Variants in SPTBN1 observed in about 807,000 individuals in gnomAD.
The protein encoded by SPTBN1 is spectrin beta chain, non-erythrocytic 1.
A neutral mutation model predicts 266.4 loss-of-function variants in SPTBN1; 32 were observed. The observed-to-expected ratio is 0.12, with a 90% confidence interval of 0.09 to 0.16. The LOEUF is 0.16. Ranked by LOEUF, SPTBN1 falls within the 10% of genes least tolerant of loss-of-function variation. The pLI is 1.00. For synonymous variants in SPTBN1, 1,336 were observed against 1,162.2 expected (o/e 1.15, Z -3.04); for missense variants, 2,296 against 3,067.1 (o/e 0.75, Z 5.94).
intron 1 of SPTBN1, among the ~76,000 whole-genome samples, chr2:54,507,976 A>G (rs1669663693): frequency 6.6e-6 from 1 of 152,112 alleles, no homozygotes; most frequent in Non-Finnish European, 1.5e-5. Context: ...AAGAACGGGA[A>G]TGAGAATAAG....
intron 1 of SPTBN1, among the ~76,000 whole-genome samples, chr2:54,479,078 A>G (rs1351431397): frequency 6.6e-6 from 1 of 152,200 alleles, no homozygotes; most frequent in Non-Finnish European, 1.5e-5. Context: ...GGTTGTTTTA[A>G]AATAGAAAAA....
At chr2:54,467,502 C>G (rs1183018242) in intron 1 of SPTBN1, among the ~76,000 whole-genome samples, 1 of 152,122 alleles carries the variant, frequency 6.6e-6, no homozygotes, top group Non-Finnish European at 1.5e-5. Flanking sequence ...TCAAGCGATT[C>G]TCCTGCCTCA....
At chr2:54,470,158 A>G (rs558109387) in intron 1 of SPTBN1, among the ~76,000 whole-genome samples, 3 of 152,360 alleles carry the variant, frequency 2.0e-5, no homozygotes, top group East Asian at 3.9e-4. Context: ...CTTAATTCAT[A>G]AAAGGTAAAA....
intron 2 of SPTBN1, among the ~76,000 whole-genome samples, chr2:54,532,316 T>G (rs938207212): frequency 6.6e-6 from 1 of 152,210 alleles, no homozygotes; most frequent in Non-Finnish European, 1.5e-5. Context: ...GAATTAACAT[T>G]GAGTATTGTC....
intron 29 of SPTBN1, among the ~76,000 whole-genome samples, chr2:54,656,894 G>C (rs1316438319): frequency 6.6e-6 from 1 of 152,164 alleles, no homozygotes; most frequent in Admixed American, 6.5e-5. Flanking sequence ...GTACACCAGG[G>C]ACACAGTGAT....
At chr2:54,491,993 C>A (rs941268741) in intron 1 of SPTBN1, among the ~76,000 whole-genome samples, 1 of 152,070 alleles carries the variant, frequency 6.6e-6, no homozygotes, top group African/African-American at 2.4e-5. Flanking sequence ...AAATTTTGTT[C>A]TTTAGATGTT....
chr2:54,624,300 G>T (rs1678184804), intron 10 of SPTBN1, among the ~76,000 whole-genome samples: 1 of 152,026 alleles, frequency 6.6e-6, no homozygotes, highest in African/African-American at 2.4e-5. Context: ...CGAGTGGAAG[G>T]TTTGATTTTT....
At chr2:54,609,748 T>C (rs748590506) in intron 3 of SPTBN1, among the ~76,000 whole-genome samples, 1 of 152,140 alleles carries the variant, frequency 6.6e-6, no homozygotes, top group Non-Finnish European at 1.5e-5. Context: ...AAACGCAGCC[T>C]CTTACTGGCA....
chr2:54,649,607 C>T lies in SPTBN1; in HGVS notation c.5203-8C>T, dbSNP rs768352711. 54 of 1,602,904 alleles carry T rather than the reference C, an allele frequency of 3.4e-5. No homozygotes were observed. The highest frequency in any genetic ancestry group is 1.7e-4 in the Middle Eastern group (1 of 6,046). ...GCTCTCTGATTTCCTTACCCATCCC[C>T]GTTTCAGATGTTACAAGAACGATTC... On this transcript the variant is annotated splice_region_variant and splice_polypyrimidine_tract_variant and intron_variant, in intron 25 of 35. Transcript: ENST00000356805. This position sits in a 1 kb window ranked among gnomAD's most constrained non-coding sequence, Gnocchi z 6.7.
intron 2 of SPTBN1, among the ~76,000 whole-genome samples, chr2:54,579,174 C>T (rs1227169819): frequency 1.3e-5 from 2 of 152,136 alleles, no homozygotes; most frequent in Non-Finnish European, 2.9e-5. Flanking sequence ...GTTTCTCTAG[C>T]TCATGACCTC....
chr2:54,457,827 C>G (rs1002618655), intron 1 of SPTBN1, among the ~76,000 whole-genome samples: 23 of 152,252 alleles, frequency 1.5e-4, no homozygotes, highest in African/African-American at 5.1e-4. Context: ...AGAGTCTTTT[C>G]TTTTGGGATG....
Position 54,632,778 on chromosome 2 carries a change from T to C in SPTBN1, c.3767+10T>C. 2 of 1,613,824 alleles carry C rather than the reference T, an allele frequency of 1.2e-6. No homozygotes were observed. Among genetic ancestry groups the C allele is most frequent in the South Asian group, 1.1e-5 (1 of 91,012 alleles). On this transcript the variant is annotated intron_variant, in intron 17 of 35. Transcript: ENST00000356805. The stretch of plus-strand genomic sequence containing the variant: ...ACTCTATTGATGACAGGTACAGTTT[T>C]CTGAGGTTCTTAAGGGAGCCTTGCA...
In SPTBN1 at chr2:54,646,177, T is replaced by C. The variant is rs762990929; in HGVS notation, c.4585-17T>C. The C allele has an allele frequency of 1.3e-6, 2 of 1,596,298 alleles. No individual in the cohort carries two copies. The highest frequency in any genetic ancestry group is 1.7e-6 in the Non-Finnish European group (2 of 1,169,944). On this transcript the variant is annotated splice_polypyrimidine_tract_variant and intron_variant, in intron 22 of 35. Coordinates refer to ENST00000356805, the MANE Select transcript of SPTBN1 (RefSeq NM_003128.3). The surrounding 1 kb of genome is among the most constrained non-coding windows in gnomAD (Gnocchi z 4.4). ...GCCATTTAGCAAGCCTTTGTGTGTA[T>C]TTTCCGCTCCCTCCAGACCCTCCAG...
chr2:54,552,914 G>A (rs989719528), intron 2 of SPTBN1, among the ~76,000 whole-genome samples: 4 of 152,232 alleles, frequency 2.6e-5, no homozygotes, highest in African/African-American at 9.6e-5. Context: ...GCTCCTGACT[G>A]CTTCTAGCTG....
chr2:54,587,352 A>G (rs1467324385), intron 2 of SPTBN1, among the ~76,000 whole-genome samples: 1 of 152,188 alleles, frequency 6.6e-6, no homozygotes, highest in Non-Finnish European at 1.5e-5. Flanking sequence ...TGTTGCAATT[A>G]TACTACTTTC....
rs1408352073 is a variant in SPTBN1 at position 54,465,666 on chromosome 2, A to ATATATATATATATATATC, written c.-48+9151_-48+9152insATATATATATATATCTAT. Among the ~76,000 whole-genome samples, 34 of 137,810 alleles carry ATATATATATATATATATC rather than the reference A, an allele frequency of 2.5e-4. No individual in the cohort carries two copies. The East Asian group carries it at 6.3e-3, about 25-fold the overall frequency. 90.4% of individuals were successfully genotyped at this position (137,810 alleles called of 152,430 possible). A position where few individuals can be genotyped will look rare whatever the true frequency, so the allele number is the denominator to read the frequency against. On this transcript the variant is annotated intron_variant, in intron 1 of 35. Transcript: ENST00000356805. Reference sequence around the variant, plus strand: ...TATATATATATATATATATATATATATATCTCACACATGGGAGAGAGAGGT... The same window carrying ATATATATATATATATATC: ...TATATATATATATATATATATATATATATATATATATATATATCTATCTCACACATGGGAGAGAGAGGT...
intron 18 of SPTBN1, among the ~76,000 whole-genome samples, chr2:54,639,365 G>C (rs1315950012): frequency 6.6e-6 from 1 of 152,184 alleles, no homozygotes; most frequent in Non-Finnish European, 1.5e-5. Context: ...AACCATCTGT[G>C]ACTCCCTGTA....
chr2:54,630,065 G>T, intron 15 of SPTBN1, 36 bp downstream of exon 15: 1 of 1,602,062 alleles, frequency 6.2e-7, no homozygotes, highest in Non-Finnish European at 8.5e-7. Flanking sequence ...AGCCTCCCAC[G>T]TGTGGGACTG....
intron 2 of SPTBN1, chr2:54,535,045 A>C (rs1040997716): frequency 6.6e-6 from 1 of 152,144 alleles, no homozygotes; most frequent in African/African-American, 2.4e-5. Context: ...CTTACTTTTG[A>C]GGCGCTCCGT....
Sources: gnomAD v4.1 joint callset for allele counts (sites outside exome capture counted in the v4.1 genomes callset) on GRCh38, gnomAD v4.1.1 for gene constraint, Gnocchi (gnomAD v3.1) non-coding constraint, MANE v1.5 for transcripts, NCBI Gene and HGNC (gene_info 2026-07-23, HGNC 2026-07-21) for gene names.